The following DOCK4 variants were observed in gnomAD, a reference collection of about 807,000 sequenced individuals.
DOCK4 encodes the protein dedicator of cytokinesis 4, also known as dedicator of cytokinesis protein 4.
Under a neutral mutation model 268.1 loss-of-function variants are expected in DOCK4, and 97 were observed. The observed-to-expected ratio is 0.36, with a 90% CI of 0.31 to 0.43. The LOEUF (loss-of-function observed/expected upper bound fraction) is 0.43, where lower values mean the gene tolerates loss of function less well. Ranked by LOEUF, DOCK4 falls within the 20% of genes least tolerant of loss-of-function variation. The pLI, the probability that DOCK4 is intolerant of heterozygous loss-of-function variation, is 1.00. For missense variants in DOCK4, 2,145 were observed against 2,455.7 expected (o/e 0.87, Z 2.67); for synonymous variants, 954 against 887.2 (o/e 1.08, Z -1.34).
intron 1 of DOCK4, among the ~76,000 whole-genome samples, chr7:112,116,536 T>C (rs905089417): frequency 6.6e-6 from 1 of 152,102 alleles, no homozygotes; most frequent in Non-Finnish European, 1.5e-5. Flanking sequence ...GTGTCACAAG[T>C]GGGGAAACCA....
intron 1 of DOCK4, among the ~76,000 whole-genome samples, chr7:112,019,004 C>A (rs1802096710): frequency 6.6e-6 from 1 of 152,160 alleles, no homozygotes; most frequent in Non-Finnish European, 1.5e-5. Context: ...CTAAATCTGA[C>A]AATGTGCATG....
intron 7 of DOCK4, among the ~76,000 whole-genome samples, chr7:111,980,322 C>T (rs888225814): frequency 2.0e-5 from 3 of 152,140 alleles, no homozygotes; most frequent in African/African-American, 7.2e-5. Flanking sequence ...CTTCCGCAAA[C>T]TGCTAAAAAA....
rs1003643110 is a variant in DOCK4 at position 111,976,932 on chromosome 7, T to A, written c.701+200A>T. The A allele has an allele frequency of 1.4e-5, 7 of 496,712 alleles. No individual in the cohort carries two copies. The South Asian group carries it at 2.5e-4, about 18-fold the overall frequency. The allele number at this position is 496,712 out of a possible 1,614,324, so 30.8% of individuals were successfully genotyped here. ...TCTGATTCTATAGCCCTTATGAATT[T>A]TTCAAAGAATGCTGCATTCATCATC... On this transcript the variant is annotated intron_variant, in intron 8 of 52. Coordinates refer to ENST00000428084, the MANE Select transcript of DOCK4 (RefSeq NM_001363540.2).
At chr7:111,878,065 C>T (rs1426917348) in intron 16 of DOCK4, among the ~76,000 whole-genome samples, 1 of 152,134 alleles carries the variant, frequency 6.6e-6, no homozygotes, top group Non-Finnish European at 1.5e-5. Context: ...TCACAGGAAA[C>T]ACAAGAGATA....
At chr7:112,106,396 A>C (rs1217361684) in intron 1 of DOCK4, among the ~76,000 whole-genome samples, 1 of 152,226 alleles carries the variant, frequency 6.6e-6, no homozygotes, top group East Asian at 1.9e-4. Flanking sequence ...TTTCTGAACA[A>C]TGCATATACA....
At chr7:111,979,479 A>ATTTTTTT (rs10629057) in intron 7 of DOCK4, among the ~76,000 whole-genome samples, 1 of 147,242 alleles carries the variant, frequency 6.8e-6, no homozygotes, top group Non-Finnish European at 1.5e-5. Context: ...TGCTTTAACA[A>ATTTTTTT]TTTTTTTTTT....
chr7:111,788,633 AATCAACTT>A (rs1294272352), intron 32 of DOCK4, 21 bp downstream of exon 32: 1 of 1,544,950 alleles, frequency 6.5e-7, no homozygotes, highest in South Asian at 1.2e-5. Context: ...CCCAGAATGG[AATCAACTT>A]GAGATAAACA....
At chr7:112,165,559 T>TGTGC (rs59052406) in intron 1 of DOCK4, among the ~76,000 whole-genome samples, 36,525 of 148,058 alleles carry the variant, frequency 0.25, 5,449 homozygotes, top group East Asian at 0.48. Context: ...TGTGTGTGTG[T>TGTGC]GCGTGTGTGT....
At chr7:112,010,377 G>GT (rs1183401333) in intron 1 of DOCK4, among the ~76,000 whole-genome samples, 9 of 152,302 alleles carry the variant, frequency 5.9e-5, no homozygotes, top group African/African-American at 2.2e-4. Context: ...GCATAGAACT[G>GT]TTTTTCTTCT....
chr7:111,801,666 T>C (rs1277058348), intron 30 of DOCK4: 1 of 151,796 alleles, frequency 6.6e-6, no homozygotes, highest in Non-Finnish European at 1.5e-5. Context: ...AAAAGAAACT[T>C]TTTATTTCTT....
intron 1 of DOCK4, among the ~76,000 whole-genome samples, chr7:112,100,106 GCTAA>G (rs1466050113): frequency 3.9e-5 from 6 of 152,278 alleles, no homozygotes; most frequent in East Asian, 1.9e-4. Flanking sequence ...ACCTACGTAT[GCTAA>G]CTATCATACC....
At chr7:112,076,541 C>T (rs1808084716) in intron 1 of DOCK4, among the ~76,000 whole-genome samples, 1 of 152,096 alleles carries the variant, frequency 6.6e-6, no homozygotes, top group Non-Finnish European at 1.5e-5. Context: ...CTAAGGCCCA[C>T]TTGATATTTT....
chr7:111,953,896 T>C (rs1796250848), intron 8 of DOCK4: 1 of 152,242 alleles, frequency 6.6e-6, no homozygotes, highest in Admixed American at 6.5e-5. Context: ...CTGCCAGTTA[T>C]TTGCCTTCCT....
intron 17 of DOCK4, among the ~76,000 whole-genome samples, chr7:111,873,340 C>A (rs1806576684): frequency 6.6e-6 from 1 of 152,226 alleles, no homozygotes; most frequent in South Asian, 2.1e-4. Context: ...GGGAGATGGT[C>A]TCCATGCATT....
rs550324252 is a variant in DOCK4, at chr7:111,756,757, C to CAA, written c.4330-1158_4330-1157dup. ...ATAGTGCCATTTACTCAAACCACAA[C>CAA]AAAAAAAAAAATGGAAGAGTTTCTT... On this transcript the variant is annotated intron_variant, in intron 41 of 52. Coordinates refer to ENST00000428084, the MANE Select transcript of DOCK4 (RefSeq NM_001363540.2). Among the ~76,000 whole-genome samples, 102 of 143,670 alleles carry CAA rather than the reference C, an allele frequency of 7.1e-4. 1 individual carries two copies. The highest frequency in any genetic ancestry group is 2.3e-3 in the African/African-American group (92 of 39,158). The allele number at this position is 143,670 out of a possible 152,430, so 94.3% of individuals were successfully genotyped here.
chr7:111,920,939 G>GAATTTCATAAAATTAA (rs757629722), intron 12 of DOCK4, among the ~76,000 whole-genome samples: 6 of 151,652 alleles, frequency 4.0e-5, no homozygotes, highest in Non-Finnish European at 8.8e-5. Context: ...GATTAAATCT[G>GAATTTCATAAAATTAA]AATTTCATAA....
At chr7:111,827,043 G>A (rs1038284966) in intron 26 of DOCK4, among the ~76,000 whole-genome samples, 1 of 151,862 alleles carries the variant, frequency 6.6e-6, no homozygotes, top group African/African-American at 2.4e-5. Flanking sequence ...CACAGACTAG[G>A]GCATTTTCTT....
At position 112,098,468 on chromosome 7, in the gene DOCK4, C is replaced by T. The variant is rs563397294; in HGVS notation, c.38-94337G>A. 2.9e-4 allele frequency among the ~76,000 whole-genome samples: 44 copies of T among 151,346 alleles called. 1 individual carries two copies. Among genetic ancestry groups the T allele is most frequent in the Middle Eastern group, 6.9e-3 (2 of 288 alleles). On this transcript the variant is annotated intron_variant, in intron 1 of 52. Transcript: ENST00000428084. ...TTGGGATTACAGGTGCAAGCCACAGCGTCCAGCCTATAAATTATATATCTT... is the reference window on the plus strand; with the variant it reads ...TTGGGATTACAGGTGCAAGCCACAGTGTCCAGCCTATAAATTATATATCTT...
At chr7:112,017,804 A>C (rs1379538160) in intron 1 of DOCK4, among the ~76,000 whole-genome samples, 1 of 152,118 alleles carries the variant, frequency 6.6e-6, no homozygotes, top group Non-Finnish European at 1.5e-5. Flanking sequence ...TGAGGGAATG[A>C]AGACTCATGT....
Sources: allele counts gnomAD v4.1 joint callset (sites outside exome capture counted in the v4.1 genomes callset), GRCh38; gene constraint gnomAD v4.1.1; transcripts MANE v1.5; gene names NCBI Gene and HGNC (gene_info 2026-07-23, HGNC 2026-07-21).